The following MAP1LC3B2 variants were observed in gnomAD, a reference collection of about 807,000 sequenced individuals.
MAP1LC3B2 encodes microtubule associated protein 1 light chain 3 beta 2, also known as microtubule-associated protein 1 light chain 3 beta 2.
For missense variants in MAP1LC3B2, 155 were observed against 154.6 expected, an observed-to-expected ratio of 1.00 and a Z score of -0.01; for synonymous variants, 62 against 57.8, an observed-to-expected ratio of 1.07 and a Z score of -0.33.
chr12:116,575,978 C>T lies in MAP1LC3B2; in HGVS notation c.36C>T (p.Thr12=), dbSNP rs1869664794. 1.9e-6 allele frequency: 3 copies of T among 1,614,070 alleles called. No individual in the cohort carries two copies. The Admixed American group carries it at 5.0e-5, about 27-fold the overall frequency. The change falls in exon 2 of 2, where the codon ACC becomes ACT. Residue 12 remains threonine, a synonymous_variant. Coordinates refer to ENST00000556529, the MANE Select transcript of MAP1LC3B2 (RefSeq NM_001085481.3). ...AGAAGACCTTCAAGCAGCGGCGCAC[C>T]TTCGAACAAAGAGTAGAAGATGTCC... ...PSEKTFKQRR[T]FEQRVEDVRL...
At chr12:116,572,332 A>G (rs1418321685) in intron 1 of MAP1LC3B2, among the ~76,000 whole-genome samples, 2 of 151,492 alleles carry the variant, frequency 1.3e-5, no homozygotes, top group African/African-American at 4.9e-5. Context: ...AAGAATCAAA[A>G]CGTATCTAGT....
In MAP1LC3B2 at chr12:116,575,985, C is replaced by A; in HGVS notation, c.43C>A (p.Gln15Lys). Residue 15 changes from glutamine to lysine, a missense_variant, in exon 2 of 2, where the codon CAA becomes AAA. Coordinates refer to ENST00000556529, the MANE Select transcript of MAP1LC3B2 (RefSeq NM_001085481.3). Reference sequence around the variant, plus strand: ...CTTCAAGCAGCGGCGCACCTTCGAACAAAGAGTAGAAGATGTCCGACTTAT... The same window carrying A: ...CTTCAAGCAGCGGCGCACCTTCGAAAAAAGAGTAGAAGATGTCCGACTTAT... ...KTFKQRRTFE[Q>K]RVEDVRLIRE... 1.2e-6 allele frequency: 2 copies of A among 1,614,188 alleles called. No individual in the cohort carries two copies. The highest frequency in any genetic ancestry group is 3.3e-5 in the Admixed American group (2 of 60,012).
chr12:116,561,954 T>C (rs551268317), intron 1 of MAP1LC3B2, among the ~76,000 whole-genome samples: 1 of 152,322 alleles, frequency 6.6e-6, no homozygotes, highest in East Asian at 1.9e-4. Context: ...GCATCCTGGC[T>C]TGCCTTCGGG....
At chr12:116,573,577 C>T (rs975357778) in intron 1 of MAP1LC3B2, among the ~76,000 whole-genome samples, 2 of 151,992 alleles carry the variant, frequency 1.3e-5, no homozygotes, top group African/African-American at 2.4e-5. Context: ...AGTGCAGTGG[C>T]GTGATCTCGG....
At position 116,562,315 on chromosome 12, in the gene MAP1LC3B2, G is replaced by A. The variant is rs116629242; in HGVS notation, c.-102+2882G>A. On this transcript the variant is annotated intron_variant, in intron 1 of 1. Transcript: ENST00000556529. ...CCGTAGCTCCAAACTCGCAAGTTCC[G>A]TGAAACAATAAATCTTTATGTTTAA... is the stretch of plus-strand genomic sequence containing the variant. Among the ~76,000 whole-genome samples the A allele has an allele frequency of 3.8e-3, 575 of 152,282 alleles. 4 individuals carry two copies. The highest frequency in any genetic ancestry group is 0.013 in the African/African-American group (553 of 41,548).
At position 116,575,828 on chromosome 12, in the gene MAP1LC3B2, T is replaced by C. The variant is rs1397630982; in HGVS notation, c.-101-14T>C. On this transcript the variant is annotated splice_polypyrimidine_tract_variant and intron_variant, in intron 1 of 1. Coordinates refer to ENST00000556529, the MANE Select transcript of MAP1LC3B2 (RefSeq NM_001085481.3). The stretch of plus-strand genomic sequence containing the variant: ...CCACAACTACTCAGCTCTGTTGTTA[T>C]TGTGCAAAAATAGCCTTACACGGCC... The C allele has an allele frequency of 2.5e-6, 3 of 1,201,872 alleles. No individual in the cohort carries two copies. Among genetic ancestry groups the C allele is most frequent in the African/African-American group, 1.5e-5 (1 of 66,230 alleles). The allele number at this position is 1,201,872 out of a possible 1,614,324, so 74.5% of individuals were successfully genotyped here.
In MAP1LC3B2 at chr12:116,564,563, G is replaced by A. The variant is rs370598917; in HGVS notation, c.-102+5130G>A. On this transcript the variant is annotated intron_variant, in intron 1 of 1. Coordinates refer to ENST00000556529, the MANE Select transcript of MAP1LC3B2 (RefSeq NM_001085481.3). ...CATTCTGGCTTGCTAAGATTTGAAT[G>A]TCCCCCAGTCCCATGAGAGCTCTTG... 1.6e-4 allele frequency among the ~76,000 whole-genome samples: 25 copies of A among 152,224 alleles called. No homozygotes were observed. The East Asian group carries it at 3.9e-3, about 23-fold the overall frequency.
intron 1 of MAP1LC3B2, among the ~76,000 whole-genome samples, chr12:116,564,648 C>A (rs1869346087): frequency 6.6e-6 from 1 of 152,172 alleles, no homozygotes; most frequent in African/African-American, 2.4e-5. Flanking sequence ...ATCATTTTAC[C>A]CAATATCTGA....
At chr12:116,572,448 T>C (rs1232617019) in intron 1 of MAP1LC3B2, among the ~76,000 whole-genome samples, 1 of 149,572 alleles carries the variant, frequency 6.7e-6, no homozygotes, top group African/African-American at 2.5e-5. Flanking sequence ...CACTGCAAGC[T>C]CCGCCTCCCA....
intron 1 of MAP1LC3B2, among the ~76,000 whole-genome samples, chr12:116,567,916 T>C (rs1389865217): frequency 6.6e-6 from 1 of 152,130 alleles, no homozygotes; most frequent in African/African-American, 2.4e-5. Flanking sequence ...GGGAAGTGTC[T>C]GGAGCCTGCG....
At chr12:116,575,778 G>A (rs1302246024) in intron 1 of MAP1LC3B2, 64 bp from the exon 2 acceptor site, 2 of 706,862 alleles carry the variant, frequency 2.8e-6, no homozygotes, top group African/African-American at 1.8e-5. Flanking sequence ...ATGATGGTGT[G>A]TGGCTGTAAC....
intron 1 of MAP1LC3B2, among the ~76,000 whole-genome samples, chr12:116,574,310 T>A (rs1389041691): frequency 1.3e-5 from 2 of 150,766 alleles, no homozygotes; most frequent in Non-Finnish European, 2.9e-5. Context: ...GAGCAAGTCA[T>A]GATATATTTA....
chr12:116,561,920 T>C (rs562329755), intron 1 of MAP1LC3B2, among the ~76,000 whole-genome samples: 6 of 152,332 alleles, frequency 3.9e-5, no homozygotes, highest in African/African-American at 1.4e-4. Context: ...CCTGTCAGCA[T>C]CTATGACACT....
At chr12:116,560,236 A>ATATATGTATGTATG (rs1869234603) in intron 1 of MAP1LC3B2, among the ~76,000 whole-genome samples, 1 of 99,064 alleles carries the variant, frequency 1.0e-5, no homozygotes, top group African/African-American at 4.0e-5. Context: ...ATATATATAT[A>ATATATGTATGTATG]TATATGTATG....
rs181716525 is a variant in MAP1LC3B2, at chr12:116,567,623, C to A, written c.-102+8190C>A. Among the ~76,000 whole-genome samples the A allele has an allele frequency of 2.4e-3, 359 of 152,028 alleles. 2 individuals carry two copies. The highest frequency in any genetic ancestry group is 8.3e-3 in the African/African-American group (344 of 41,484). ...ATCAGCCAGGTGTGGTGGCACATGCCTGTAATCCCAGCTACTCAGGAGGTT... is the reference window on the plus strand; with the variant it reads ...ATCAGCCAGGTGTGGTGGCACATGCATGTAATCCCAGCTACTCAGGAGGTT... On this transcript the variant is annotated intron_variant, in intron 1 of 1. Transcript: ENST00000556529.
At chr12:116,574,066 A>G (rs978737176) in intron 1 of MAP1LC3B2, among the ~76,000 whole-genome samples, 3 of 152,172 alleles carry the variant, frequency 2.0e-5, no homozygotes, top group Non-Finnish European at 2.9e-5. Flanking sequence ...GTTCCTTTGA[A>G]CACCATTGGG....
intron 1 of MAP1LC3B2, among the ~76,000 whole-genome samples, chr12:116,564,824 C>A (rs1261199459): frequency 6.6e-6 from 1 of 152,200 alleles, no homozygotes; most frequent in Non-Finnish European, 1.5e-5. Context: ...CCACTGTGCT[C>A]TGCATGGGAT....
Position 116,566,984 on chromosome 12 carries a change from A to AAACTGC in MAP1LC3B2, c.-102+7553_-102+7558dup, listed in dbSNP as rs1196169594. ...AAAAAAAAAAAAAGAATTGAGTTCA[A>AAACTGC]AACTGCAGGATAAAACTTTTCTGTA... On this transcript the variant is annotated intron_variant, in intron 1 of 1. Coordinates refer to ENST00000556529, the MANE Select transcript of MAP1LC3B2 (RefSeq NM_001085481.3). 5.4e-3 allele frequency among the ~76,000 whole-genome samples: 793 copies of AAACTGC among 148,072 alleles called. 11 individuals carry two copies. The highest frequency in any genetic ancestry group is 0.019 in the African/African-American group (740 of 39,994).
intron 1 of MAP1LC3B2, among the ~76,000 whole-genome samples, chr12:116,562,227 A>G (rs10161436): frequency 0.44 from 67,278 of 152,048 alleles, 17,917 homozygotes; most frequent in African/African-American, 0.73. Flanking sequence ...CAGAGATAAA[A>G]GATAGTGGGA....
Sources: gnomAD v4.1 joint callset for allele counts (sites outside exome capture counted in the v4.1 genomes callset) on GRCh38, gnomAD v4.1.1 for gene constraint, MANE v1.5 for transcripts, NCBI Gene and HGNC (gene_info 2026-07-23, HGNC 2026-07-21) for gene names.